Variants in PPEF1 observed in about 807,000 individuals in gnomAD.
PPEF1 encodes serine/threonine-protein phosphatase with EF-hands 1.
Under a neutral mutation model 53.3 loss-of-function variants are expected in PPEF1, and 12 were observed. The ratio of observed to expected loss-of-function variants is 0.23; its 90% CI spans 0.14 to 0.36. The LOEUF is 0.36. PPEF1 is among the 10% of genes least tolerant of loss of function. The pLI is 1.00. For synonymous variants in PPEF1, 165 were observed against 176.7 expected, an observed-to-expected ratio of 0.93 and a Z score of 0.52; for missense variants, 334 against 490.4, an observed-to-expected ratio of 0.68 and a Z score of 3.01.
intron 3 of PPEF1, among the ~76,000 whole-genome samples, chrX:18,741,422 C>G (rs2045158308): frequency 9.0e-6 from 1 of 111,570 alleles, no homozygotes; most frequent in African/African-American, 3.3e-5. Flanking sequence ...TTAAAAAATT[C>G]CGTAGGTGAT....
In PPEF1 at chrX:18,784,031, C is replaced by T. The variant is rs376239526; in HGVS notation, c.895C>T (p.Arg299Cys). 1.8e-5 allele frequency: 22 copies of T among 1,197,294 alleles called. No individual in the cohort carries two copies. The Admixed American group carries it at 3.7e-4, about 20-fold the overall frequency. The change falls in exon 9 of 16, where the codon CGT becomes TGT. Residue 299 changes from arginine to cysteine, a missense_variant. Arg to Cys is a radical substitution (Grantham distance 180). Coordinates refer to ENST00000470157, the MANE Select transcript of PPEF1 (RefSeq NM_001377996.1). ...GACCACAGACTTGAATTTACTCCAC[C>T]GTGTAGAGAGGAACAAGGTAAGAAG... The part of the protein sequence containing the change: ...SETTDLNLLH[R>C]VERNKMKSVL...
At chrX:18,742,283 C>T (rs1041346552) in intron 3 of PPEF1, among the ~76,000 whole-genome samples, 5 of 112,004 alleles carry the variant, frequency 4.5e-5, no homozygotes, top group Admixed American at 1.9e-4. Flanking sequence ...CATTCTTGTA[C>T]ATGTCCCTTT....
intron 1 of PPEF1, among the ~76,000 whole-genome samples, chrX:18,709,136 T>A (rs1425684046): frequency 8.9e-6 from 1 of 112,638 alleles, no homozygotes; most frequent in Non-Finnish European, 1.9e-5. Context: ...TTAGCCATTG[T>A]CAAGTGAACA....
chrX:18,722,310 G>A (rs942041726), intron 1 of PPEF1, among the ~76,000 whole-genome samples: 6 of 111,813 alleles, frequency 5.4e-5, no homozygotes, highest in Non-Finnish European at 9.4e-5. Flanking sequence ...CAGTTCATTC[G>A]AATTCATTTT....
At chrX:18,752,384 T>C (rs1275084694) in intron 4 of PPEF1, among the ~76,000 whole-genome samples, 6 of 111,291 alleles carry the variant, frequency 5.4e-5, no homozygotes, top group Non-Finnish European at 1.1e-4. Context: ...TGTGTGTGTA[T>C]GTGTGCGTGT....
chrX:18,752,398 G>A (rs2045462660), intron 4 of PPEF1, among the ~76,000 whole-genome samples: 1 of 110,660 alleles, frequency 9.0e-6, no homozygotes, highest in Non-Finnish European at 1.9e-5. Context: ...TGCGTGTGTG[G>A]TGTATTCTTT....
At chrX:18,702,403 T>C (rs1311955732) in intron 6 of PPEF1, among the ~76,000 whole-genome samples, 1 of 106,994 alleles carries the variant, frequency 9.3e-6, no homozygotes, top group Non-Finnish European at 1.9e-5. Context: ...AGCCAACATC[T>C]CTAGGAAAAG....
At chrX:18,780,211 G>A (rs776785611) in intron 7 of PPEF1, among the ~76,000 whole-genome samples, 1 of 112,112 alleles carries the variant, frequency 8.9e-6, no homozygotes, top group African/African-American at 3.2e-5. Flanking sequence ...CAAGTGTGAT[G>A]AGTTTGTAAA....
chrX:18,706,644 G>A (rs940618140), upstream of PPEF1, among the ~76,000 whole-genome samples: 6 of 109,520 alleles, frequency 5.5e-5, no homozygotes, highest in African/African-American at 2.0e-4. Flanking sequence ...TACTAGGGAG[G>A]CTGAGGCGGG....
intron 1 of PPEF1, among the ~76,000 whole-genome samples, chrX:18,684,594 G>C (rs1485368501): frequency 9.2e-6 from 1 of 109,073 alleles, no homozygotes; most frequent in African/African-American, 3.3e-5. Context: ...ACCTATCTTG[G>C]GATGTGTCTA....
chrX:18,770,352 A>C (rs981114164), intron 6 of PPEF1, among the ~76,000 whole-genome samples: 1 of 111,667 alleles, frequency 9.0e-6, no homozygotes, highest in Middle Eastern at 4.2e-3. Flanking sequence ...ACAACAGGGC[A>C]GTTCTTACAC....
In PPEF1 at chrX:18,827,425, G is replaced by T. The variant is rs2047189546; in HGVS notation, c.1900G>T (p.Ala634Ser). ...GSIDFNEFLK[A>S]FYVVHRYEDL... ...CATTGACTTTAATGAGTTTTTAAAG[G>T]CTTTCTATGTAGTGCATAGATATGA... Residue 634 changes from alanine to serine, a missense_variant, in exon 16 of 16, where the codon GCT becomes TCT. Physicochemically the swap from Ala to Ser is moderately conservative, Grantham distance 99. Transcript: ENST00000470157. The T allele has an allele frequency of 8.3e-7, 1 of 1,210,776 alleles. No homozygotes were observed. The highest frequency in any genetic ancestry group is 1.1e-6 in the Non-Finnish European group (1 of 894,723).
chrX:18,782,210 C>G (rs1012200826), intron 7 of PPEF1, among the ~76,000 whole-genome samples, 156 bp from the exon 8 acceptor site: 9 of 111,532 alleles, frequency 8.1e-5, no homozygotes, highest in African/African-American at 2.9e-4. Flanking sequence ...TCCAATCATG[C>G]CTAGCAAGGA....
At chrX:18,711,712 T>C (rs1023033570) in intron 1 of PPEF1, among the ~76,000 whole-genome samples, 3 of 110,653 alleles carry the variant, frequency 2.7e-5, no homozygotes, top group African/African-American at 9.9e-5. Flanking sequence ...CAGTGATCTG[T>C]ATGTCTTTCT....
intron 12 of PPEF1, among the ~76,000 whole-genome samples, chrX:18,810,113 C>T (rs1207249090): frequency 9.8e-6 from 1 of 102,080 alleles, no homozygotes; most frequent in Non-Finnish European, 2.0e-5. Flanking sequence ...TGTGTGTGGA[C>T]ATATATCCAT....
chrX:18,680,951 AT>A (rs1281992118), upstream of PPEF1, among the ~76,000 whole-genome samples: 13 of 111,028 alleles, frequency 1.2e-4, no homozygotes, highest in African/African-American at 4.3e-4. Flanking sequence ...TGAACTCATC[AT>A]TTTTTATGGC....
chrX:18,692,707 C>T (rs1249297080), intron 4 of PPEF1, among the ~76,000 whole-genome samples: 1 of 111,802 alleles, frequency 8.9e-6, no homozygotes, highest in Admixed American at 9.6e-5. Flanking sequence ...CATCTGATCC[C>T]CAGAGTGATC....
At chrX:18,779,769 C>T (rs1341124348) in intron 7 of PPEF1, among the ~76,000 whole-genome samples, 2 of 111,892 alleles carry the variant, frequency 1.8e-5, no homozygotes, top group Non-Finnish European at 3.8e-5. Flanking sequence ...TTCCCTTTTC[C>T]CTTCTTTTTT....
In PPEF1 at chrX:18,759,598, A is replaced by G. The variant is rs1035480755; in HGVS notation, c.511+1857A>G. Reference sequence around the variant, plus strand: ...CGAGTTTTTCTTTCGCTGTCCAACTAGAAGTTAAAAATATTAAACTAAGTA... The same window carrying G: ...CGAGTTTTTCTTTCGCTGTCCAACTGGAAGTTAAAAATATTAAACTAAGTA... On this transcript the variant is annotated intron_variant, in intron 5 of 15. Coordinates refer to ENST00000470157, the MANE Select transcript of PPEF1 (RefSeq NM_001377996.1). 3.6e-5 allele frequency among the ~76,000 whole-genome samples: 4 copies of G among 111,904 alleles called. No homozygotes were observed. The East Asian group carries it at 1.1e-3, about 31-fold the overall frequency.
Sources: allele counts gnomAD v4.1 joint callset (sites outside exome capture counted in the v4.1 genomes callset), GRCh38; gene constraint gnomAD v4.1.1; transcripts MANE v1.5; gene names NCBI Gene and HGNC (gene_info 2026-07-23, HGNC 2026-07-21).